KLHDC4: variants seen among roughly 807,000 people sequenced by gnomAD.
The protein encoded by KLHDC4 is kelch domain-containing protein 4.
A neutral mutation model predicts 62.4 loss-of-function variants in KLHDC4; 90 were observed. The ratio of observed to expected loss-of-function variants is 1.44; its 90% CI spans 1.22 to 1.72. KLHDC4 has a LOEUF of 1.72. Among genes scored for constraint, KLHDC4 ranks in the 40% most tolerant of loss-of-function variants. The pLI is 0.00. For synonymous variants in KLHDC4, 386 were observed against 284.4 expected, an observed-to-expected ratio of 1.36 and a Z score of -3.59; for missense variants, 1,025 against 699.7, an observed-to-expected ratio of 1.47 and a Z score of -5.25.
At chr16:87,751,213 C>T (rs1444246541) in intron 4 of KLHDC4, among the ~76,000 whole-genome samples, 2 of 152,232 alleles carry the variant, frequency 1.3e-5, no homozygotes, top group South Asian at 2.1e-4. Context: ...TGGTGGCTCA[C>T]GCCTCTAATT....
chr16:87,733,440 T>C (rs1319192232), intron 5 of KLHDC4, among the ~76,000 whole-genome samples: 1 of 152,196 alleles, frequency 6.6e-6, no homozygotes, highest in African/African-American at 2.4e-5. Flanking sequence ...GGAATGGCTT[T>C]GGGCTGCAAC....
At position 87,708,443 on chromosome 16, in the gene KLHDC4, T is replaced by C. The variant is rs1247229935; in HGVS notation, c.1471A>G (p.Thr491Ala). Reference sequence around the variant, plus strand: ...TCCTCACTGTCCTCTTCCGAGTCCGTCTCCTCCAGCCACTCCTGAGTTTCT... The same window carrying C: ...TCCTCACTGTCCTCTTCCGAGTCCGCCTCCTCCAGCCACTCCTGAGTTTCT... ...DPETQEWLEE[T>A]DSEEDSEEVE... The change falls in exon 11 of 12, where the codon ACG becomes GCG. Residue 491 changes from threonine to alanine, a missense_variant. Coordinates refer to ENST00000270583, the MANE Select transcript of KLHDC4 (RefSeq NM_017566.4). The C allele has an allele frequency of 2.5e-6, 4 of 1,609,534 alleles. No individual in the cohort carries two copies. The highest frequency in any genetic ancestry group is 3.4e-6 in the Non-Finnish European group (4 of 1,178,246).
At chr16:87,702,531 G>C (rs1358206776) in exon 1 of KLHDC4, 1 of 355,158 alleles carries the variant, frequency 2.8e-6, no homozygotes, top group South Asian at 2.1e-5. Context: ...GGCCTCCTCG[G>C]GGGCAGGCGC....
At chr16:87,759,898 AG>A (rs1567836225) in intron 2 of KLHDC4, among the ~76,000 whole-genome samples, 1 of 152,220 alleles carries the variant, frequency 6.6e-6, no homozygotes, top group African/African-American at 2.4e-5. Flanking sequence ...CAGCGGCACC[AG>A]CCCAGGTGTT....
intron 9 of KLHDC4, 181 bp from the exon 10 acceptor site, chr16:87,709,848 TC>T: frequency 2.9e-6 from 2 of 688,064 alleles, no homozygotes; most frequent in Non-Finnish European, 4.8e-6. Flanking sequence ...AGGAGCACGC[TC>T]CTGTCTCCCA....
chr16:87,746,890 G>C (rs1037994937), intron 5 of KLHDC4, among the ~76,000 whole-genome samples: 6 of 152,224 alleles, frequency 3.9e-5, no homozygotes, highest in Non-Finnish European at 7.3e-5. Context: ...GAGGAATGAG[G>C]TGTCTGTTTA....
chr16:87,698,420 C>T (rs879120181), exon 1 of KLHDC4: 3 of 152,316 alleles, frequency 2.0e-5, no homozygotes, highest in Admixed American at 2.0e-4. Context: ...AAGATCACAG[C>T]TGCTTTTGTA....
rs1447110887 is a variant in KLHDC4 at position 87,709,385 on chromosome 16, C to A, written c.1327G>T (p.Val443Leu). ...SNAMLAVKHG[V>L]LYVYGGMFEA... ...AACATGCCCCCATAGACGTAGAGCA[C>A]CCCATGCTTCACAGCCAGCATGGCG... Residue 443 changes from valine (V) to leucine (L), a missense_variant, in exon 10 of 12, where the codon GTG becomes TTG. Physicochemically the swap from Val to Leu is conservative, Grantham distance 32. Transcript: ENST00000270583. The A allele has an allele frequency of 5.0e-6, 8 of 1,613,448 alleles. No individual in the cohort carries two copies. The highest frequency in any genetic ancestry group is 1.7e-5 in the Admixed American group (1 of 60,020).
At chr16:87,704,653 A>T (rs2034451247), downstream of KLHDC4, among the ~76,000 whole-genome samples, 1 of 152,044 alleles carries the variant, frequency 6.6e-6, no homozygotes, top group African/African-American at 2.4e-5. Context: ...GCATCTTGGT[A>T]TTTGGTCCCC....
At chr16:87,749,951 C>T (rs954551261) in intron 4 of KLHDC4, among the ~76,000 whole-genome samples, 1 of 152,182 alleles carries the variant, frequency 6.6e-6, no homozygotes, top group Non-Finnish European at 1.5e-5. Flanking sequence ...GGGAGTGATG[C>T]CCTCTGGGCC....
In KLHDC4 at chr16:87,756,468, G is replaced by A. The variant is rs371675371; in HGVS notation, c.201C>T (p.Ala67=). The change falls in exon 3 of 12, where the codon GCC becomes GCT. Residue 67 remains alanine, a synonymous_variant. Transcript: ENST00000270583. ...PCPPPSPRLN[A]SLSVHPEKDE... is the part of the protein sequence containing the mutation. ...CTTTCTCAGGATGAACCGAGAGGGA[G>A]GCATTTAACCTACAAGACACACAAG... The A allele has an allele frequency of 1.2e-6, 2 of 1,613,554 alleles. No homozygotes were observed. The highest frequency in any genetic ancestry group is 2.7e-5 in the African/African-American group (2 of 74,884).
intron 4 of KLHDC4, among the ~76,000 whole-genome samples, chr16:87,751,859 G>A (rs1204588108): frequency 6.9e-6 from 1 of 144,662 alleles, no homozygotes; most frequent in African/African-American, 2.6e-5. Flanking sequence ...GGATCACGAG[G>A]CCAGGAGATT....
chr16:87,743,557 A>C (rs934518516), intron 5 of KLHDC4, among the ~76,000 whole-genome samples: 1 of 151,876 alleles, frequency 6.6e-6, no homozygotes, highest in African/African-American at 2.4e-5. Flanking sequence ...TGGCTAACAC[A>C]GTGAAACCCC....
chr16:87,762,741 A>T (rs1247148741), intron 1 of KLHDC4, among the ~76,000 whole-genome samples: 1 of 152,124 alleles, frequency 6.6e-6, no homozygotes, highest in Non-Finnish European at 1.5e-5. Context: ...CACAGAGGGC[A>T]GCACTGGAAC....
intron 7 of KLHDC4, among the ~76,000 whole-genome samples, chr16:87,719,163 G>A (rs906622752): frequency 1.3e-5 from 2 of 152,258 alleles, no homozygotes; most frequent in African/African-American, 4.8e-5. Flanking sequence ...CCCCGTCTGG[G>A]AGGAGTACCC....
chr16:87,751,027 A>C (rs1427468666), intron 4 of KLHDC4: 1 of 152,276 alleles, frequency 6.6e-6, no homozygotes, highest in African/African-American at 2.4e-5. Flanking sequence ...GTTAGGTGGC[A>C]CAACCATGCC....
chr16:87,735,455 G>GC (rs1360530943), intron 5 of KLHDC4, among the ~76,000 whole-genome samples: 6 of 152,152 alleles, frequency 3.9e-5, no homozygotes, highest in Admixed American at 6.5e-5. Context: ...TAGATGGGGC[G>GC]CCCCCCGCTG....
intron 5 of KLHDC4, among the ~76,000 whole-genome samples, chr16:87,744,110 C>G (rs574067836): frequency 3.9e-5 from 6 of 152,144 alleles, no homozygotes; most frequent in African/African-American, 1.4e-4. Context: ...GAAACCCTGT[C>G]TCTACTAAAA....
chr16:87,748,152 C>T (rs1012578521), intron 5 of KLHDC4, among the ~76,000 whole-genome samples: 1 of 152,216 alleles, frequency 6.6e-6, no homozygotes, highest in Non-Finnish European at 1.5e-5. Flanking sequence ...GCGTGGTAAA[C>T]ATGCATCAGA....
Sources: gnomAD v4.1 joint callset for allele counts (sites outside exome capture counted in the v4.1 genomes callset) on GRCh38, gnomAD v4.1.1 for gene constraint, MANE v1.5 for transcripts, NCBI Gene and HGNC (gene_info 2026-07-23, HGNC 2026-07-21) for gene names.